OXR1: variants seen among roughly 807,000 people sequenced by gnomAD.
OXR1 encodes oxidation resistance protein 1.
In OXR1, 41 loss-of-function variants were observed where a neutral mutation model predicts 104.6. The observed-to-expected ratio is 0.39, with a 90% CI of 0.31 to 0.51. OXR1 has a LOEUF of 0.51. Among genes scored for constraint, OXR1 ranks in the 20% least tolerant of loss-of-function variants. The pLI is 0.77. For missense variants in OXR1, 955 were observed against 1,031.9 expected (o/e 0.93, Z 1.02); for synonymous variants, 348 against 348.4 (o/e 1.00, Z 0.01).
At chr8:106,684,171 T>C (rs1215984427) in intron 5 of OXR1, 75 bp from the exon 6 acceptor site, 2 of 702,138 alleles carry the variant, frequency 2.8e-6, no homozygotes, top group African/African-American at 3.5e-5. Flanking sequence ...TTGTTAATAG[T>C]GCTTGCTTAT....
intron 2 of OXR1, among the ~76,000 whole-genome samples, chr8:106,486,992 G>A (rs1048472084): frequency 6.6e-6 from 1 of 150,988 alleles, no homozygotes; most frequent in Non-Finnish European, 1.5e-5. Flanking sequence ...CAAATATTGT[G>A]AGGCCTTCCT....
chr8:106,582,361 G>A (rs963005798), intron 3 of OXR1, among the ~76,000 whole-genome samples: 6 of 151,864 alleles, frequency 4.0e-5, no homozygotes, highest in African/African-American at 1.2e-4. Flanking sequence ...TAAAAACAAA[G>A]CACTTGTTCT....
chr8:106,577,472 C>A (rs1198496534), intron 3 of OXR1, among the ~76,000 whole-genome samples: 1 of 139,612 alleles, frequency 7.2e-6, no homozygotes, highest in African/African-American at 2.6e-5. Flanking sequence ...TCACTGCAAA[C>A]TCCGCCTCCC....
chr8:106,287,513 A>G (rs1042223029), intron 1 of OXR1, among the ~76,000 whole-genome samples: 1 of 152,162 alleles, frequency 6.6e-6, no homozygotes, highest in Admixed American at 6.5e-5. Context: ...CTCACTTCCA[A>G]TTAGAGGGAA....
intron 2 of OXR1, among the ~76,000 whole-genome samples, chr8:106,493,259 C>T (rs1056215261): frequency 6.6e-6 from 1 of 152,184 alleles, no homozygotes; most frequent in African/African-American, 2.4e-5. Context: ...TGTTAGCATG[C>T]TGCCTCTGTC....
At chr8:106,697,268 C>CA (rs1830136235) in intron 7 of OXR1, among the ~76,000 whole-genome samples, 2 of 152,328 alleles carry the variant, frequency 1.3e-5, no homozygotes, top group South Asian at 4.1e-4. Flanking sequence ...AGGCTGCCAA[C>CA]AGGCACCTCA....
intron 11 of OXR1, among the ~76,000 whole-genome samples, chr8:106,715,399 TATATA>T (rs1288375057): frequency 1.4e-4 from 21 of 148,096 alleles, no homozygotes; most frequent in Non-Finnish European, 1.6e-4. Flanking sequence ...ATGTAAAATA[TATATA>T]ATATATATAA....
intron 1 of OXR1, among the ~76,000 whole-genome samples, chr8:106,294,438 T>A (rs1246721872): frequency 2.0e-5 from 3 of 147,648 alleles, no homozygotes; most frequent in East Asian, 3.9e-4. Context: ...TACCTGAGAC[T>A]GGGTAATTTA....
chr8:106,416,895 T>C (rs1818703491), intron 2 of OXR1, among the ~76,000 whole-genome samples: 1 of 152,114 alleles, frequency 6.6e-6, no homozygotes, highest in South Asian at 2.1e-4. Context: ...CAAAATAACT[T>C]TTTTGCAGCT....
intron 2 of OXR1, among the ~76,000 whole-genome samples, chr8:106,422,713 G>T (rs902731720): frequency 4.6e-5 from 7 of 152,058 alleles, no homozygotes; most frequent in African/African-American, 1.7e-4. Context: ...TATAAGGCAG[G>T]TATTTTAATT....
At chr8:106,690,348 TAAC>T (rs1026320712) in intron 6 of OXR1, among the ~76,000 whole-genome samples, 14 of 151,110 alleles carry the variant, frequency 9.3e-5, no homozygotes, top group Non-Finnish European at 1.5e-5. Flanking sequence ...CTATTTTAAA[TAAC>T]AACTTAGTAA....
chr8:106,380,472 T>A (rs983400731), intron 2 of OXR1, among the ~76,000 whole-genome samples: 5 of 152,212 alleles, frequency 3.3e-5, no homozygotes, highest in African/African-American at 1.2e-4. Context: ...TCATTTCTCT[T>A]GGGTATATAC....
chr8:106,677,370 ATAAAC>A (rs1235398121), intron 3 of OXR1, among the ~76,000 whole-genome samples: 1 of 152,126 alleles, frequency 6.6e-6, no homozygotes, highest in African/African-American at 2.4e-5. Context: ...AAATTTAAAT[ATAAAC>A]TATTCAGTGT....
intron 3 of OXR1, among the ~76,000 whole-genome samples, chr8:106,672,411 T>G (rs1267955909): frequency 6.6e-6 from 1 of 151,174 alleles, no homozygotes; most frequent in Non-Finnish European, 1.5e-5. Context: ...TGCTTCAACC[T>G]GGGAGGTTGG....
At chr8:106,497,080 T>C (rs1811465406) in intron 2 of OXR1, among the ~76,000 whole-genome samples, 1 of 152,194 alleles carries the variant, frequency 6.6e-6, no homozygotes, top group Non-Finnish European at 1.5e-5. Context: ...TAGATTTAAG[T>C]TGATTCAGAG....
chr8:106,399,944 A>G (rs976231883), intron 2 of OXR1, among the ~76,000 whole-genome samples: 3 of 152,184 alleles, frequency 2.0e-5, no homozygotes, highest in Admixed American at 1.3e-4. Context: ...CTTGTTTCTG[A>G]TTAATTAAAG....
intron 11 of OXR1, among the ~76,000 whole-genome samples, chr8:106,728,518 A>G (rs1186543363): frequency 6.6e-6 from 1 of 152,190 alleles, no homozygotes; most frequent in Non-Finnish European, 1.5e-5. Flanking sequence ...AAATACATTA[A>G]TAACTAATAA....
At chr8:106,467,246 T>G (rs551505122) in intron 2 of OXR1, among the ~76,000 whole-genome samples, 25 of 151,978 alleles carry the variant, frequency 1.6e-4, no homozygotes, top group Admixed American at 6.6e-5. Context: ...AACAAGCAAT[T>G]ATTATCATGT....
At chr8:106,586,111 G>A (rs977494062) in intron 3 of OXR1, among the ~76,000 whole-genome samples, 1 of 152,276 alleles carries the variant, frequency 6.6e-6, no homozygotes, top group Non-Finnish European at 1.5e-5. Context: ...TAACTAGAAC[G>A]TGGAAAACAA....
Sources: allele counts gnomAD v4.1 joint callset (sites outside exome capture counted in the v4.1 genomes callset), GRCh38; gene constraint gnomAD v4.1.1; transcripts MANE v1.5; gene names NCBI Gene and HGNC (gene_info 2026-07-23, HGNC 2026-07-21).